Variants in RNF144A observed in about 807,000 individuals in gnomAD.
RNF144A encodes ring finger protein 144A, also known as E3 ubiquitin-protein ligase RNF144A.
Under a neutral mutation model 38.7 loss-of-function variants are expected in RNF144A, and 11 were observed. The observed-to-expected ratio is 0.28, with a 90% CI of 0.18 to 0.47. The LOEUF is 0.47. Ranked by LOEUF, RNF144A falls within the 20% of genes least tolerant of loss-of-function variation. The probability of loss-of-function intolerance (pLI) is 0.99; values close to 1 mark genes in which losing one functional copy is unlikely to be tolerated. For missense variants in RNF144A, 316 were observed against 377.2 expected (o/e 0.84, Z 1.34); for synonymous variants, 149 against 143.9 (o/e 1.04, Z -0.25).
At chr2:7,001,773 A>G (rs531362538) in intron 3 of RNF144A, among the ~76,000 whole-genome samples, 2 of 152,370 alleles carry the variant, frequency 1.3e-5, no homozygotes, top group South Asian at 4.1e-4. Context: ...GGTTTAAATA[A>G]AAAGTCAGAA....
intron 7 of RNF144A, among the ~76,000 whole-genome samples, chr2:7,029,525 A>G (rs1672140602): frequency 6.6e-6 from 1 of 152,228 alleles, no homozygotes; most frequent in Non-Finnish European, 1.5e-5. Context: ...ATGCAGACAG[A>G]AAGTGCTCCC....
intron 1 of RNF144A, among the ~76,000 whole-genome samples, chr2:6,923,515 G>A (rs1200913536): frequency 4.6e-5 from 7 of 152,180 alleles, no homozygotes; most frequent in Admixed American, 2.6e-4. Context: ...GCCCTGGGAC[G>A]CTCTCCCACC....
At chr2:7,003,937 G>A (rs967171718) in intron 3 of RNF144A, among the ~76,000 whole-genome samples, 4 of 152,250 alleles carry the variant, frequency 2.6e-5, no homozygotes, top group African/African-American at 4.8e-5. Context: ...GGTAGAGCAG[G>A]CAATCAACTG....
At chr2:6,921,198 TC>T (rs1664517735) in intron 1 of RNF144A, among the ~76,000 whole-genome samples, 1 of 152,194 alleles carries the variant, frequency 6.6e-6, no homozygotes, top group Admixed American at 6.5e-5. Flanking sequence ...CTTGCTTCAC[TC>T]CACAAATAAC....
downstream of RNF144A, among the ~76,000 whole-genome samples, chr2:7,048,338 G>A (rs1047614696): frequency 1.3e-5 from 2 of 152,226 alleles, no homozygotes; most frequent in African/African-American, 4.8e-5. Flanking sequence ...GAATCAACAT[G>A]TTGTTCACAG....
chr2:7,032,917 G>A (rs1342815424), intron 8 of RNF144A, among the ~76,000 whole-genome samples: 1 of 152,248 alleles, frequency 6.6e-6, no homozygotes, highest in Non-Finnish European at 1.5e-5. Context: ...TCTGTACTTG[G>A]TTTTCCCTGG....
chr2:6,970,943 A>C (rs1218177220), intron 2 of RNF144A, among the ~76,000 whole-genome samples: 1 of 152,222 alleles, frequency 6.6e-6, no homozygotes, highest in African/African-American at 2.4e-5. Context: ...TCATGTGCAA[A>C]ACTAAACTTT....
At chr2:7,013,513 A>G (rs898058301) in intron 3 of RNF144A, among the ~76,000 whole-genome samples, 1 of 152,232 alleles carries the variant, frequency 6.6e-6, no homozygotes, top group Non-Finnish European at 1.5e-5. Context: ...TGAACTTTAA[A>G]TATACTGGGA....
At chr2:6,997,823 G>T (rs72781768) in intron 3 of RNF144A, among the ~76,000 whole-genome samples, 12,675 of 152,232 alleles carry the variant, frequency 0.083, 601 homozygotes, top group African/African-American at 0.13. Context: ...CAAAGGGTAT[G>T]AAGTTGCAGT....
chr2:7,036,062 T>TGTGGGTGCTGTGAGCCGCAC (rs1170179953), intron 8 of RNF144A, among the ~76,000 whole-genome samples: 4 of 152,082 alleles, frequency 2.6e-5, no homozygotes, highest in African/African-American at 9.7e-5. Flanking sequence ...CTGGAGTGAG[T>TGTGGGTGCTGTGAGCCGCAC]GTGGGTGCTG....
chr2:7,056,733 C>G (rs993906192), intron 6 of RNF144A, among the ~76,000 whole-genome samples: 19 of 152,172 alleles, frequency 1.2e-4, no homozygotes, highest in Admixed American at 2.6e-4. Context: ...GGGGCCCACA[C>G]TTGATTCAAA....
rs12989569 is a variant in RNF144A, at chr2:7,059,924, G to A, written c.735-8292G>A. Among the ~76,000 whole-genome samples the A allele has an allele frequency of 4.4e-3, 670 of 152,280 alleles. 2 individuals are homozygous for A. The highest frequency in any genetic ancestry group is 7.1e-3 in the Non-Finnish European group (484 of 68,014). ...GTGGCGCTGCAGGTAGAAAAATAAA[G>A]TTATGTTGTTGTGGACATCTGAACC... On this transcript the variant is annotated intron_variant, in intron 6 of 6. Transcript: ENST00000432850.
intron 2 of RNF144A, among the ~76,000 whole-genome samples, chr2:6,987,896 A>G (rs1420544084): frequency 1.3e-5 from 2 of 152,218 alleles, no homozygotes; most frequent in Non-Finnish European, 2.9e-5. Context: ...CTTTAATGCT[A>G]TGCAGTAGTG....
At chr2:6,964,518 C>T (rs891241456) in intron 2 of RNF144A, among the ~76,000 whole-genome samples, 1 of 152,176 alleles carries the variant, frequency 6.6e-6, no homozygotes, top group African/African-American at 2.4e-5. Context: ...GACACATGCA[C>T]ACGTATGTTT....
rs552632869 is a variant in RNF144A at position 7,036,365 on chromosome 2, G to A, written c.748-3264G>A. On this transcript the variant is annotated intron_variant, in intron 8 of 8. Transcript: ENST00000320892. ...TTTTTAGCCAAAGGATGGTATTTACGAAAGCCAGCTGATTACTGATCTTCT... is the reference window on the plus strand; with the variant it reads ...TTTTTAGCCAAAGGATGGTATTTACAAAAGCCAGCTGATTACTGATCTTCT... Among the ~76,000 whole-genome samples, 103 of 152,296 alleles carry A rather than the reference G, an allele frequency of 6.8e-4. 1 individual carries two copies. Among genetic ancestry groups the A allele is most frequent in the African/African-American group, 2.2e-3 (93 of 41,560 alleles).
chr2:6,991,482 T>A (rs1280924355), intron 2 of RNF144A, among the ~76,000 whole-genome samples: 1 of 152,174 alleles, frequency 6.6e-6, no homozygotes. Flanking sequence ...GTCTTATATC[T>A]CTACAAATCC....
Position 6,944,200 on chromosome 2 carries a change from A to T in RNF144A, c.-12+3053A>T, listed in dbSNP as rs1452575970. Among the ~76,000 whole-genome samples the T allele has an allele frequency of 6.6e-6, 1 of 152,096 alleles. No individual in the cohort carries two copies. The highest frequency in any genetic ancestry group is 1.5e-5 in the Non-Finnish European group (1 of 68,010). ...TTGGAGATGCGGGAGGAGGCCGGGC[A>T]CTATGGGCCTGGGGTGATGGAGAAA... is the stretch of plus-strand genomic sequence containing the variant. On this transcript the variant is annotated intron_variant, in intron 2 of 8. Coordinates refer to ENST00000320892, the MANE Select transcript of RNF144A (RefSeq NM_014746.6). This position sits in a 1 kb window ranked among gnomAD's most constrained non-coding sequence, Gnocchi z 4.7.
At chr2:6,993,924 T>C (rs1411966283) in intron 2 of RNF144A, among the ~76,000 whole-genome samples, 1 of 152,146 alleles carries the variant, frequency 6.6e-6, no homozygotes, top group Non-Finnish European at 1.5e-5. Flanking sequence ...TGCTTCTTAC[T>C]TCTCACTCAC....
In RNF144A at chr2:6,941,335, C is replaced by T. The variant is rs186168363; in HGVS notation, c.-12+188C>T. Among the ~76,000 whole-genome samples, 1 of 152,306 alleles carries T rather than the reference C, an allele frequency of 6.6e-6. No homozygotes were observed. Among genetic ancestry groups the T allele is most frequent in the African/African-American group, 2.4e-5 (1 of 41,544 alleles). On this transcript the variant is annotated intron_variant, in intron 2 of 8. Coordinates refer to ENST00000320892, the MANE Select transcript of RNF144A (RefSeq NM_014746.6). The surrounding 1 kb of genome is among the most constrained non-coding windows in gnomAD (Gnocchi z 6.5). The stretch of plus-strand genomic sequence containing the variant: ...ATGAATTTTAAGATAGTGTTCAACA[C>T]ATTATTTTATGCCATCATAGTTGTT...
Sources: gnomAD v4.1 joint callset for allele counts (sites outside exome capture counted in the v4.1 genomes callset) on GRCh38, gnomAD v4.1.1 for gene constraint, Gnocchi (gnomAD v3.1) non-coding constraint, MANE v1.5 for transcripts, NCBI Gene and HGNC (gene_info 2026-07-23, HGNC 2026-07-21) for gene names.